PGBD2: variants seen among roughly 807,000 people sequenced by gnomAD.
PGBD2 encodes the protein piggyBac transposable element-derived protein 2.
PGBD2 carries 6 observed loss-of-function variants against 8.1 expected under a neutral mutation model. That is an observed-to-expected ratio of 0.74 (90% CI 0.40 to 1.46). The LOEUF is 1.46. PGBD2 is among the 40% of genes most tolerant of loss of function. The pLI is 0.02. For synonymous variants in PGBD2, 318 were observed against 272.2 expected (o/e 1.17, Z -1.66); for missense variants, 802 against 739.0 (o/e 1.09, Z -0.99).
intron 2 of PGBD2, chr1:248,914,370 C>G: frequency 2.0e-6 from 2 of 981,668 alleles, no homozygotes. Context: ...ACCCCTTACT[C>G]CAAGGTCCAT....
upstream of PGBD2, among the ~76,000 whole-genome samples, chr1:248,903,595 A>T (rs1418823233): frequency 6.6e-6 from 1 of 152,190 alleles, no homozygotes; most frequent in East Asian, 1.9e-4. Context: ...ATTTATTAAC[A>T]AGCAAGCTTC....
At chr1:248,910,137 A>T (rs1661813294) in intron 1 of PGBD2, among the ~76,000 whole-genome samples, 1 of 152,218 alleles carries the variant, frequency 6.6e-6, no homozygotes, top group Non-Finnish European at 1.5e-5. Flanking sequence ...CTGGGGAAGA[A>T]GTCAGACTGT....
At chr1:248,891,405 G>A in the PGBD2 span, among the ~76,000 whole-genome samples, 1 of 152,168 alleles carries the variant, frequency 6.6e-6, no homozygotes, top group East Asian at 1.9e-4. Context: ...TGGGGCATAT[G>A]GGTTATACTT....
chr1:248,889,549 C>T, the PGBD2 span, among the ~76,000 whole-genome samples: 2 of 152,166 alleles, frequency 1.3e-5, no homozygotes, highest in African/African-American at 2.4e-5. Context: ...TGCAAGCTCC[C>T]TTTCTAGCTT....
intron 2 of PGBD2, chr1:248,914,546 A>G (rs1662021716): frequency 2.3e-6 from 3 of 1,289,140 alleles, no homozygotes; most frequent in African/African-American, 3.0e-5. Context: ...CTGAACTCCA[A>G]AGTCCATGGG....
intron 2 of PGBD2, chr1:248,914,415 G>A (rs151142798): frequency 1.8e-4 from 225 of 1,243,456 alleles, no homozygotes; most frequent in Non-Finnish European, 1.8e-4. Flanking sequence ...CCTTTAAGCC[G>A]GTCTCTTTTT....
At chr1:248,895,114 T>A in the PGBD2 span, among the ~76,000 whole-genome samples, 2 of 152,294 alleles carry the variant, frequency 1.3e-5, no homozygotes, top group Admixed American at 1.3e-4. Context: ...CTATAACAAC[T>A]TTTCTGAGTT....
chr1:248,907,850 A>T (rs769302087), intron 1 of PGBD2, among the ~76,000 whole-genome samples: 5 of 152,152 alleles, frequency 3.3e-5, no homozygotes, highest in Admixed American at 1.3e-4. Flanking sequence ...GGAATTTCTT[A>T]TGTCTTCCCT....
At chr1:248,906,597 C>G (rs949929036) in intron 1 of PGBD2, 2 of 109,418 alleles carry the variant, frequency 1.8e-5, no homozygotes, top group African/African-American at 6.8e-5. Flanking sequence ...TGGGTGGGGA[C>G]CAGGGCGGGG....
chr1:248,911,072 C>T (rs1258749565), intron 1 of PGBD2, among the ~76,000 whole-genome samples: 1 of 151,928 alleles, frequency 6.6e-6, no homozygotes, highest in Non-Finnish European at 1.5e-5. Context: ...AATGTGTTTT[C>T]TGTTACTATA....
At chr1:248,877,572 A>C in the PGBD2 span, among the ~76,000 whole-genome samples, 1 of 152,154 alleles carries the variant, frequency 6.6e-6, no homozygotes, top group Non-Finnish European at 1.5e-5. Context: ...TCCTGGTAAA[A>C]CAGGTTATGG....
the PGBD2 span, among the ~76,000 whole-genome samples, chr1:248,880,105 C>G: frequency 8.5e-5 from 13 of 152,226 alleles, no homozygotes; most frequent in South Asian, 2.7e-3. Context: ...TAAACGAGAC[C>G]AGGACCCATT....
the PGBD2 span, among the ~76,000 whole-genome samples, chr1:248,925,235 A>AC: frequency 6.6e-6 from 1 of 152,186 alleles, no homozygotes; most frequent in Non-Finnish European, 1.5e-5. Context: ...CCAAGACCTC[A>AC]CCTAGAAGAC....
the PGBD2 span, among the ~76,000 whole-genome samples, chr1:248,873,175 C>A: frequency 6.6e-6 from 1 of 152,206 alleles, no homozygotes; most frequent in East Asian, 1.9e-4. Flanking sequence ...CCTCACAGCC[C>A]ACCGGGAGGA....
the PGBD2 span, among the ~76,000 whole-genome samples, chr1:248,883,594 T>TC: frequency 1.4e-5 from 2 of 139,576 alleles, no homozygotes; most frequent in Non-Finnish European, 3.1e-5. Context: ...CTTTTTTTTT[T>TC]TTTTTTTTTT....
intron 2 of PGBD2, among the ~76,000 whole-genome samples, chr1:248,915,252 C>T (rs939766759): frequency 1.3e-5 from 2 of 152,350 alleles, no homozygotes; most frequent in Middle Eastern, 6.8e-3. Flanking sequence ...GCAGCACCTG[C>T]TCACTGTCTG....
the PGBD2 span, among the ~76,000 whole-genome samples, chr1:248,880,605 T>C: frequency 6.6e-6 from 1 of 152,240 alleles, no homozygotes; most frequent in South Asian, 2.1e-4. Flanking sequence ...TTTGAGTGTT[T>C]CAAGTTCTTG....
chr1:248,878,360 G>T, the PGBD2 span, among the ~76,000 whole-genome samples: 1 of 151,994 alleles, frequency 6.6e-6, no homozygotes, highest in Non-Finnish European at 1.5e-5. Context: ...TGTATTTTTT[G>T]TAGAGATGGG....
downstream of PGBD2, among the ~76,000 whole-genome samples, chr1:248,922,542 A>G (rs1662308373): frequency 6.6e-6 from 1 of 152,206 alleles, no homozygotes; most frequent in African/African-American, 2.4e-5. Flanking sequence ...GCCAGTTTTC[A>G]AAGGGAATGC....
Sources: allele counts gnomAD v4.1 joint callset (sites outside exome capture counted in the v4.1 genomes callset), GRCh38; gene constraint gnomAD v4.1.1; transcripts MANE v1.5; gene names NCBI Gene and HGNC (gene_info 2026-07-23, HGNC 2026-07-21).